Variants in APELA observed in about 807,000 individuals in gnomAD.
The protein encoded by APELA is protein Elabela.
chr4:164,882,181 G>A (rs1050915874), intron 2 of APELA, among the ~76,000 whole-genome samples: 14 of 151,904 alleles, frequency 9.2e-5, no homozygotes, highest in South Asian at 6.2e-4. Flanking sequence ...TCGGCTCACC[G>A]GAGCCTCCAC....
chr4:164,884,338 T>C (rs755879303), intron 2 of APELA, among the ~76,000 whole-genome samples: 4 of 152,180 alleles, frequency 2.6e-5, no homozygotes, highest in Non-Finnish European at 5.9e-5. Context: ...AGGCAGCTGT[T>C]TTCTTTCCTC....
At chr4:164,882,331 G>A (rs1030770543) in intron 2 of APELA, among the ~76,000 whole-genome samples, 3 of 151,652 alleles carry the variant, frequency 2.0e-5, no homozygotes, top group Non-Finnish European at 4.4e-5. Flanking sequence ...TCGAACTCCC[G>A]ACCTCAGGTG....
intron 2 of APELA, among the ~76,000 whole-genome samples, chr4:164,886,112 T>C (rs941344219): frequency 6.6e-6 from 1 of 151,742 alleles, no homozygotes; most frequent in Non-Finnish European, 1.5e-5. Context: ...TTATCAGTAT[T>C]GAAATATGAG....
chr4:164,878,477 C>A (rs928783981), intron 1 of APELA, among the ~76,000 whole-genome samples: 1 of 152,208 alleles, frequency 6.6e-6, no homozygotes, highest in South Asian at 2.1e-4. Context: ...AATTCAGCAA[C>A]TCTGAGAAAG....
chr4:164,880,282 T>G (rs1170206761), intron 2 of APELA, among the ~76,000 whole-genome samples: 1 of 152,114 alleles, frequency 6.6e-6, no homozygotes, highest in Non-Finnish European at 1.5e-5. Flanking sequence ...TAGTAGAAAA[T>G]TAAATGAAGG....
chr4:164,881,744 G>A (rs1054240252), intron 2 of APELA, among the ~76,000 whole-genome samples: 1 of 151,862 alleles, frequency 6.6e-6, no homozygotes, highest in Non-Finnish European at 1.5e-5. Context: ...TTATAAGTAT[G>A]TACTCTAAGG....
At chr4:164,886,712 G>A (rs181644646) in intron 2 of APELA, among the ~76,000 whole-genome samples, 80 of 152,164 alleles carry the variant, frequency 5.3e-4, no homozygotes, top group African/African-American at 1.9e-3. Context: ...ATATATCAAT[G>A]CATAAATATA....
intron 2 of APELA, among the ~76,000 whole-genome samples, chr4:164,880,325 G>A (rs1730633101): frequency 6.6e-6 from 1 of 152,144 alleles, no homozygotes; most frequent in Admixed American, 6.5e-5. Context: ...TTTATCAAAA[G>A]GATTGAGACA....
intron 1 of APELA, among the ~76,000 whole-genome samples, chr4:164,878,293 A>C (rs894793655): frequency 6.6e-6 from 1 of 152,174 alleles, no homozygotes; most frequent in Non-Finnish European, 1.5e-5. Context: ...TTACATCCAA[A>C]TATGTTAAAT....
intron 2 of APELA, among the ~76,000 whole-genome samples, chr4:164,881,886 A>C (rs1200044000): frequency 1.3e-5 from 2 of 151,816 alleles, no homozygotes; most frequent in Non-Finnish European, 2.9e-5. Context: ...AAAAAAAAAA[A>C]AAGTTAGCCA....
At chr4:164,880,419 C>T (rs1448538620) in intron 2 of APELA, among the ~76,000 whole-genome samples, 2 of 152,104 alleles carry the variant, frequency 1.3e-5, no homozygotes, top group African/African-American at 2.4e-5. Flanking sequence ...GTGGAGGAAT[C>T]CAGAAAGATA....
downstream of APELA, among the ~76,000 whole-genome samples, chr4:164,898,502 CAAAAA>C (rs371909619): frequency 1.1e-5 from 1 of 89,562 alleles, no homozygotes. Flanking sequence ...AACTCTGCCT[CAAAAA>C]AAAAAAAAAA....
chr4:164,881,035 G>A (rs1242903905), intron 2 of APELA, among the ~76,000 whole-genome samples: 2 of 152,198 alleles, frequency 1.3e-5, no homozygotes, highest in African/African-American at 4.8e-5. Context: ...AAGAGTTAAT[G>A]TAAGATAAAC....
rs983312606 is a variant in APELA at position 164,877,916 on chromosome 4, TAAAA to T, written c.76+510_76+513del. ...TAATTATGTAACTAGGCATGTCACT[TAAAA>T]CAAATAAGTGCAGTTTTTATTATTA... On this transcript the variant is annotated intron_variant, in intron 1 of 2. Coordinates refer to ENST00000507152, the MANE Select transcript of APELA (RefSeq NM_001297550.2). 7.6e-4 allele frequency among the ~76,000 whole-genome samples: 115 copies of T among 152,270 alleles called. 1 individual carries two copies. The highest frequency in any genetic ancestry group is 2.6e-3 in the African/African-American group (109 of 41,564).
intron 2 of APELA, among the ~76,000 whole-genome samples, chr4:164,886,684 A>G (rs911790826): frequency 2.0e-5 from 3 of 152,208 alleles, no homozygotes; most frequent in Admixed American, 6.5e-5. Flanking sequence ...AATGATGAAT[A>G]TATTTACTTA....
chr4:164,885,734 A>G (rs111757565), intron 2 of APELA, among the ~76,000 whole-genome samples: 5,549 of 151,818 alleles, frequency 0.037, 342 homozygotes, highest in African/African-American at 0.13. Flanking sequence ...GAGTGAGACC[A>G]TGTCTCAAAA....
chr4:164,888,513 CT>C (rs1730820816), intron 2 of APELA, among the ~76,000 whole-genome samples: 2 of 152,216 alleles, frequency 1.3e-5, no homozygotes, highest in Admixed American at 6.5e-5. Context: ...TCTTAACCAT[CT>C]GGGACCAGCT....
At chr4:164,885,594 A>T (rs912388467) in intron 2 of APELA, among the ~76,000 whole-genome samples, 2 of 152,070 alleles carry the variant, frequency 1.3e-5, no homozygotes, top group African/African-American at 4.8e-5. Context: ...TACAAAAATT[A>T]GCCAGGTCTC....
At chr4:164,885,842 G>C (rs577034537) in intron 2 of APELA, among the ~76,000 whole-genome samples, 19 of 151,994 alleles carry the variant, frequency 1.3e-4, no homozygotes, top group African/African-American at 4.1e-4. Context: ...CACATTTTCA[G>C]ATTTATTTTC....
Sources: gnomAD v4.1 joint callset for allele counts (sites outside exome capture counted in the v4.1 genomes callset) on GRCh38, gnomAD v4.1.1 for gene constraint, MANE v1.5 for transcripts, NCBI Gene and HGNC (gene_info 2026-07-23, HGNC 2026-07-21) for gene names.